Variants in CNTNAP2 observed in about 807,000 individuals in gnomAD.
CNTNAP2 encodes contactin-associated protein-like 2.
In CNTNAP2, 98 loss-of-function variants were observed where a neutral mutation model predicts 155.2. That is an observed-to-expected ratio of 0.63 (90% CI 0.54 to 0.75). The LOEUF (loss-of-function observed/expected upper bound fraction) is 0.75. Among genes scored for constraint, CNTNAP2 ranks in the 30% least tolerant of loss-of-function variants. CNTNAP2 has a pLI of 0.00. For missense variants in CNTNAP2, 1,727 were observed against 1,688.1 expected, an observed-to-expected ratio of 1.02 and a Z score of -0.40; for synonymous variants, 651 against 631.2, an observed-to-expected ratio of 1.03 and a Z score of -0.47.
intron 8 of CNTNAP2, among the ~76,000 whole-genome samples, chr7:147,239,189 G>A (rs1184749312): frequency 6.6e-6 from 1 of 152,006 alleles, no homozygotes; most frequent in Admixed American, 6.6e-5. Context: ...AAGTGTTTTT[G>A]TACTTTTTTT....
chr7:148,097,775 G>A (rs1563198453), intron 15 of CNTNAP2, among the ~76,000 whole-genome samples: 1 of 152,216 alleles, frequency 6.6e-6, no homozygotes, highest in Non-Finnish European at 1.5e-5. Flanking sequence ...AACTGGTGGA[G>A]ACAAGGTGGT....
rs974193297 is a variant in CNTNAP2 at position 147,621,388 on chromosome 7, C to T, written c.1898-17718C>T. 3.3e-5 allele frequency among the ~76,000 whole-genome samples: 5 copies of T among 151,906 alleles called. No homozygotes were observed. In the East Asian group the frequency reaches 9.6e-4, roughly 29 times the overall value. ...AACTACTTCATCCTAAGTAAAAAGA[C>T]TAAATGATGAACCAATAAAAAATAA... is the stretch of plus-strand genomic sequence containing the variant. On this transcript the variant is annotated intron_variant, in intron 12 of 23. Transcript: ENST00000361727.
chr7:147,800,225 T>C (rs1222817440), intron 13 of CNTNAP2, among the ~76,000 whole-genome samples: 1 of 152,152 alleles, frequency 6.6e-6, no homozygotes, highest in Non-Finnish European at 1.5e-5. Context: ...GTGTGCTGGA[T>C]AAAAATCTTC....
chr7:147,383,512 T>C (rs554064281), intron 9 of CNTNAP2, among the ~76,000 whole-genome samples: 1 of 152,090 alleles, frequency 6.6e-6, no homozygotes, highest in Non-Finnish European at 1.5e-5. Flanking sequence ...TATGTCTTTA[T>C]AGTAGGAACA....
At chr7:147,832,153 A>G (rs1031088349) in intron 13 of CNTNAP2, among the ~76,000 whole-genome samples, 3 of 145,988 alleles carry the variant, frequency 2.1e-5, no homozygotes, top group African/African-American at 7.4e-5. Context: ...AAATAAATAT[A>G]TAATTTAATT....
At chr7:147,550,112 A>G (rs1396803619) in intron 11 of CNTNAP2, among the ~76,000 whole-genome samples, 4 of 152,178 alleles carry the variant, frequency 2.6e-5, no homozygotes, top group Non-Finnish European at 5.9e-5. Context: ...AACAACATAA[A>G]TGCCTTGGAA....
chr7:147,414,435 A>T (rs1258077675), intron 10 of CNTNAP2, among the ~76,000 whole-genome samples: 1 of 39,878 alleles, frequency 2.5e-5, no homozygotes. Context: ...AAAACATTAA[A>T]AAAAAAAAAA....
chr7:146,287,154 G>A (rs1041668403), intron 1 of CNTNAP2, among the ~76,000 whole-genome samples: 1 of 152,156 alleles, frequency 6.6e-6, no homozygotes, highest in African/African-American at 2.4e-5. Flanking sequence ...GAATAAAAAT[G>A]TTTTTAAATT....
chr7:147,195,008 T>A (rs999138724), intron 8 of CNTNAP2, among the ~76,000 whole-genome samples: 1 of 152,246 alleles, frequency 6.6e-6, no homozygotes, highest in Non-Finnish European at 1.5e-5. Flanking sequence ...GCTTATGTCC[T>A]AAATGGTATT....
At chr7:148,263,737 A>C (rs888627928) in intron 20 of CNTNAP2, among the ~76,000 whole-genome samples, 10 of 94,934 alleles carry the variant, frequency 1.1e-4, no homozygotes, top group Middle Eastern at 5.1e-3. Flanking sequence ...ACTCAGTCCC[A>C]AAAAAAAAAA....
chr7:148,401,069 T>A (rs1799572728), intron 22 of CNTNAP2, among the ~76,000 whole-genome samples: 1 of 152,192 alleles, frequency 6.6e-6, no homozygotes, highest in African/African-American at 2.4e-5. Context: ...AGCTGAAACT[T>A]TTTTTCCCGA....
rs1280722803 is a variant in CNTNAP2 at position 147,083,880 on chromosome 7, A to ACATATACACATGTATGTACATATTATATG, written c.551-24249_551-24248insCATATTATATGCATATACACATGTATGTA. On this transcript the variant is annotated intron_variant, in intron 4 of 23. Coordinates refer to ENST00000361727, the MANE Select transcript of CNTNAP2 (RefSeq NM_014141.6). ...ATACACATGTATGTACATATTATAT[A>ACATATACACATGTATGTACATATTATATG]CATATACACATGTATGTATATATTA... Among the ~76,000 whole-genome samples the ACATATACACATGTATGTACATATTATATG allele has an allele frequency of 2.8e-3, 380 of 133,834 alleles. 9 individuals carry two copies. The highest frequency in any genetic ancestry group is 3.8e-3 in the Non-Finnish European group (249 of 65,770). 87.8% of individuals were successfully genotyped at this position (133,834 alleles called of 152,430 possible). A position where few individuals can be genotyped will look rare whatever the true frequency, so the allele number is the denominator to read the frequency against.
chr7:148,238,822 G>A (rs142246887), intron 20 of CNTNAP2, among the ~76,000 whole-genome samples: 1 of 152,234 alleles, frequency 6.6e-6, no homozygotes, highest in African/African-American at 2.4e-5. Context: ...AGATACTGAA[G>A]CTCAAATAAA....
chr7:148,168,678 G>A (rs561172464), intron 17 of CNTNAP2, among the ~76,000 whole-genome samples: 308 of 152,130 alleles, frequency 2.0e-3, no homozygotes, highest in African/African-American at 7.1e-3. Context: ...TAACCTGCAC[G>A]TTGTGCACAT....
chr7:146,364,647 C>T (rs964580858), intron 1 of CNTNAP2, among the ~76,000 whole-genome samples: 1 of 152,054 alleles, frequency 6.6e-6, no homozygotes, highest in Non-Finnish European at 1.5e-5. Flanking sequence ...ATAAATTCTC[C>T]TAGTGAGAAC....
intron 1 of CNTNAP2, among the ~76,000 whole-genome samples, chr7:146,579,933 G>C (rs1238876603): frequency 6.6e-6 from 1 of 151,872 alleles, no homozygotes; most frequent in Non-Finnish European, 1.5e-5. Flanking sequence ...CCTATTTCCT[G>C]ACTCTTACTT....
At chr7:147,067,735 T>C (rs549906330) in intron 4 of CNTNAP2, among the ~76,000 whole-genome samples, 41 of 152,278 alleles carry the variant, frequency 2.7e-4, no homozygotes, top group African/African-American at 5.1e-4. Flanking sequence ...AAATTCTTCA[T>C]TGATAGAAAG....
intron 12 of CNTNAP2, among the ~76,000 whole-genome samples, chr7:147,600,432 C>G (rs1032422358): frequency 2.6e-5 from 4 of 152,178 alleles, no homozygotes; most frequent in Non-Finnish European, 4.4e-5. Flanking sequence ...CAGAGATAAC[C>G]TGTAAACAAA....
chr7:146,893,022 GA>G (rs2129211831), intron 3 of CNTNAP2, among the ~76,000 whole-genome samples: 1 of 152,206 alleles, frequency 6.6e-6, no homozygotes, highest in South Asian at 2.1e-4. Flanking sequence ...TAATTGGTAG[GA>G]AAAAATATAT....
Sources: gnomAD v4.1 joint callset for allele counts (sites outside exome capture counted in the v4.1 genomes callset) on GRCh38, gnomAD v4.1.1 for gene constraint, MANE v1.5 for transcripts, NCBI Gene and HGNC (gene_info 2026-07-23, HGNC 2026-07-21) for gene names.